DNAAF9: variants seen among roughly 807,000 people sequenced by gnomAD.
The protein encoded by DNAAF9 is dynein axonemal assembly factor 9.
DNAAF9 carries 90 observed loss-of-function variants against 167.0 expected under a neutral mutation model. The observed-to-expected ratio is 0.54, with a 90% confidence interval of 0.45 to 0.64. The LOEUF (loss-of-function observed/expected upper bound fraction) is 0.64, where lower values mean the gene tolerates loss of function less well. Among genes scored for constraint, DNAAF9 ranks in the 30% least tolerant of loss-of-function variants. The pLI is 0.00. For missense variants in DNAAF9, 1,315 were observed against 1,442.2 expected (o/e 0.91, Z 1.43); for synonymous variants, 491 against 508.8 (o/e 0.96, Z 0.47).
At chr20:3,356,972 T>C (rs144877908) in intron 7 of DNAAF9, among the ~76,000 whole-genome samples, 2 of 152,326 alleles carry the variant, frequency 1.3e-5, no homozygotes, top group East Asian at 3.9e-4. Context: ...CTCTATTTCA[T>C]TATTTTCAGG....
chr20:3,259,562 A>G lies in DNAAF9; in HGVS notation c.2981-8T>C, dbSNP rs1308926105. 5 of 1,601,920 alleles carry G rather than the reference A, an allele frequency of 3.1e-6. No homozygotes were observed. The highest frequency in any genetic ancestry group is 2.2e-5 in the South Asian group (2 of 90,854). ...TGATGGAGGACTGAATTGCTGGTGG[A>G]AGAAGAGGACAGCGCTGTCACCCAC... is the stretch of plus-strand genomic sequence containing the variant. On this transcript the variant is annotated splice_region_variant and splice_polypyrimidine_tract_variant and intron_variant, in intron 32 of 36. Transcript: ENST00000252032.
chr20:3,340,324 A>AC (rs11480239), intron 10 of DNAAF9, among the ~76,000 whole-genome samples, 180 bp downstream of exon 10: 117,597 of 151,544 alleles, frequency 0.78, 46,522 homozygotes, highest in African/African-American at 0.94. Flanking sequence ...CCTAGTTTGT[A>AC]CTATAAAAAA....
At chr20:3,260,441 CATTTT>C (rs904363426) in intron 31 of DNAAF9, among the ~76,000 whole-genome samples, 2 of 152,188 alleles carry the variant, frequency 1.3e-5, no homozygotes, top group Non-Finnish European at 2.9e-5. Flanking sequence ...ATGCCTCTTT[CATTTT>C]GAGACTGGGA....
At chr20:3,401,837 G>A (rs983115646) in intron 1 of DNAAF9, among the ~76,000 whole-genome samples, 5 of 136,834 alleles carry the variant, frequency 3.7e-5, no homozygotes, top group Non-Finnish European at 7.8e-5. Flanking sequence ...AAGCTACCTC[G>A]GTATGGGGAG....
rs6051821 is a variant in DNAAF9, at chr20:3,384,712, T to C, written c.84-2206A>G. Among the ~76,000 whole-genome samples the C allele has an allele frequency of 6.6e-3, 1,001 of 151,892 alleles. 9 individuals carry two copies. The highest frequency in any genetic ancestry group is 0.023 in the African/African-American group (958 of 41,390). ...TTAAATGTAAACACCCTTAACAAAA[T>C]ACAGTAAGTAAAATTCAGCAACATG... On this transcript the variant is annotated intron_variant, in intron 1 of 36. Transcript: ENST00000252032.
intron 21 of DNAAF9, among the ~76,000 whole-genome samples, chr20:3,301,955 T>C (rs1568590442): frequency 6.6e-6 from 1 of 152,090 alleles, no homozygotes; most frequent in African/African-American, 2.4e-5. Context: ...TATATGTATA[T>C]ATATTTTGAG....
chr20:3,281,990 T>G (rs780336301), intron 27 of DNAAF9, among the ~76,000 whole-genome samples: 2 of 151,962 alleles, frequency 1.3e-5, no homozygotes, highest in Non-Finnish European at 2.9e-5. Flanking sequence ...TGGGCAAGAG[T>G]GAGGGAAGAA....
chr20:3,308,712 C>A (rs2069348632), intron 20 of DNAAF9, among the ~76,000 whole-genome samples: 1 of 151,780 alleles, frequency 6.6e-6, no homozygotes, highest in South Asian at 2.1e-4. Context: ...TACAGTGGCT[C>A]ACGCCTGTAA....
chr20:3,380,118 C>T (rs879513637), intron 3 of DNAAF9, among the ~76,000 whole-genome samples: 2 of 152,166 alleles, frequency 1.3e-5, no homozygotes, highest in Non-Finnish European at 2.9e-5. Context: ...TAAACTATTT[C>T]CTTAATTTCA....
chr20:3,332,226 G>T, intron 11 of DNAAF9, 54 bp downstream of exon 11: 1 of 939,094 alleles, frequency 1.1e-6, no homozygotes, highest in Non-Finnish European at 1.7e-6. Flanking sequence ...TCTAGTTCAT[G>T]GGACAGACTA....
chr20:3,323,425 G>A (rs1029925786), intron 14 of DNAAF9, among the ~76,000 whole-genome samples: 1 of 151,808 alleles, frequency 6.6e-6, no homozygotes, highest in Non-Finnish European at 1.5e-5. Context: ...GGGACTACAG[G>A]TGTGTACCAT....
intron 8 of DNAAF9, among the ~76,000 whole-genome samples, chr20:3,348,172 T>C (rs190486324): frequency 3.3e-5 from 5 of 152,212 alleles, no homozygotes; most frequent in African/African-American, 7.2e-5. Flanking sequence ...ACTAGCGTCA[T>C]CTGCTTGGAA....
At chr20:3,372,070 C>A (rs1177550629) in intron 6 of DNAAF9, among the ~76,000 whole-genome samples, 2 of 152,236 alleles carry the variant, frequency 1.3e-5, no homozygotes, top group East Asian at 3.9e-4. Flanking sequence ...ACATGAGGAA[C>A]AAAACACATC....
chr20:3,303,417 T>C (rs1005774891), intron 21 of DNAAF9, among the ~76,000 whole-genome samples: 1 of 152,182 alleles, frequency 6.6e-6, no homozygotes. Flanking sequence ...CAGAAGTTCA[T>C]TTTGATTTTT....
chr20:3,362,306 A>C, intron 6 of DNAAF9: 1 of 978,824 alleles, frequency 1.0e-6, no homozygotes, highest in South Asian at 1.4e-5. Flanking sequence ...TTTACTACTG[A>C]GCCTGTGGTG....
At chr20:3,358,293 C>CT (rs1382504109) in intron 7 of DNAAF9, among the ~76,000 whole-genome samples, 1 of 150,444 alleles carries the variant, frequency 6.6e-6, no homozygotes, top group Non-Finnish European at 1.5e-5. Context: ...ATACCCTTTT[C>CT]TTTTTTTTTA....
At chr20:3,385,033 A>G (rs1175901932) in intron 1 of DNAAF9, among the ~76,000 whole-genome samples, 1 of 152,152 alleles carries the variant, frequency 6.6e-6, no homozygotes, top group Non-Finnish European at 1.5e-5. Flanking sequence ...ACAGAAAAAA[A>G]GCCACTCAGA....
chr20:3,332,262 C>A lies in DNAAF9; in HGVS notation c.1063+18G>T. On this transcript the variant is annotated intron_variant, in intron 11 of 36. Coordinates refer to ENST00000252032, the MANE Select transcript of DNAAF9 (RefSeq NM_001009984.3). Reference sequence around the variant, plus strand: ...TTCATTAGATAAGCTGATGAGATGACAACTTATAGGGACTTACCCAAGTAA... The same window carrying A: ...TTCATTAGATAAGCTGATGAGATGAAAACTTATAGGGACTTACCCAAGTAA... 2 of 1,312,872 alleles carry A rather than the reference C, an allele frequency of 1.5e-6. No homozygotes were observed. Among genetic ancestry groups the A allele is most frequent in the African/African-American group, 1.5e-5 (1 of 68,818 alleles). The allele number at this position is 1,312,872 out of a possible 1,614,324, so 81.3% of individuals were successfully genotyped here.
intron 25 of DNAAF9, among the ~76,000 whole-genome samples, chr20:3,292,050 G>A (rs1470372529): frequency 6.6e-6 from 1 of 151,248 alleles, no homozygotes; most frequent in African/African-American, 2.4e-5. Flanking sequence ...CCAGGCTGGA[G>A]TACAGTGGTG....
Sources: gnomAD v4.1 joint callset for allele counts (sites outside exome capture counted in the v4.1 genomes callset) on GRCh38, gnomAD v4.1.1 for gene constraint, MANE v1.5 for transcripts, NCBI Gene and HGNC (gene_info 2026-07-23, HGNC 2026-07-21) for gene names.